The following UBA1 variants were observed in gnomAD, a reference collection of about 807,000 sequenced individuals.
The protein encoded by UBA1 is ubiquitin-like modifier-activating enzyme 1.
A neutral mutation model predicts 84.7 loss-of-function variants in UBA1; 4 were observed. The ratio of observed to expected loss-of-function variants is 0.05; its 90% CI spans 0.02 to 0.11. The LOEUF (loss-of-function observed/expected upper bound fraction) is 0.11. Ranked by LOEUF, UBA1 falls within the 10% of genes least tolerant of loss-of-function variation. UBA1 has a pLI of 1.00. For missense variants in UBA1, 513 were observed against 902.8 expected (o/e 0.57, Z 5.53); for synonymous variants, 364 against 362.6 (o/e 1.00, Z -0.04).
In UBA1 at chrX:47,215,091, T is replaced by A. The variant is rs1569219607; in HGVS notation, c.*162T>A. 9 of 709,709 alleles carry A rather than the reference T, an allele frequency of 1.3e-5. No individual in the cohort carries two copies. Among genetic ancestry groups the A allele is most frequent in the Non-Finnish European group, 1.5e-5 (7 of 470,990 alleles). 58.5% of individuals were successfully genotyped at this position (709,709 alleles called of 1,213,427 possible). On this transcript the variant is annotated 3_prime_UTR_variant, in exon 26 of 26. Coordinates refer to ENST00000335972, the MANE Select transcript of UBA1 (RefSeq NM_003334.4). Reference sequence around the variant, plus strand: ...CTCTTGCCACTGCCTTCTACCTTGTTTGAAACCTGAATCCTAATAAAGAAT... The same window carrying A: ...CTCTTGCCACTGCCTTCTACCTTGTATGAAACCTGAATCCTAATAAAGAAT...
chrX:47,205,236 T>G, intron 14 of UBA1: 1 of 234,434 alleles, frequency 4.3e-6, no homozygotes. Context: ...CAGGGGAGGA[T>G]TCTGAGCAGA....
intron 4 of UBA1, 46 bp downstream of exon 4, chrX:47,199,423 C>T: frequency 8.3e-7 from 1 of 1,211,995 alleles, no homozygotes; most frequent in Non-Finnish European, 1.1e-6. Flanking sequence ...TCCCGAGGCA[C>T]CACTGTTCCC....
At position 47,199,645 on chromosome X, in the gene UBA1, C is replaced by T. The variant is rs1936331559; in HGVS notation, c.480+31C>T. On this transcript the variant is annotated intron_variant, in intron 5 of 25. Coordinates refer to ENST00000335972, the MANE Select transcript of UBA1 (RefSeq NM_003334.4). ...TTGGGGGTACTACCCAGCCTTCTGC[C>T]CAGTTTTCTCAGAGCCCATCTCTGG... is the stretch of plus-strand genomic sequence containing the variant. 5.8e-6 allele frequency: 7 copies of T among 1,206,934 alleles called. No homozygotes were observed. In the East Asian group the frequency reaches 8.9e-5, roughly 15 times the overall value.
chrX:47,206,679 T>G, intron 16 of UBA1: 1 of 426,450 alleles, frequency 2.3e-6, no homozygotes, highest in Admixed American at 4.0e-5. Flanking sequence ...ATTAAGAATA[T>G]TATGATGAAT....
intron 14 of UBA1, chrX:47,204,942 A>C (rs981422441): frequency 3.5e-5 from 4 of 112,718 alleles, no homozygotes; most frequent in Non-Finnish European, 7.5e-5. Flanking sequence ...GGAGAGGGGA[A>C]CGGACAGCAA....
At position 47,214,160 on chromosome X, in the gene UBA1, CAG is replaced by C. The variant is rs34299503; in HGVS notation, c.2839-165_2839-164del. On this transcript the variant is annotated intron_variant, in intron 23 of 25. Coordinates refer to ENST00000335972, the MANE Select transcript of UBA1 (RefSeq NM_003334.4). ...AGGAGGGTAGGAGATGAGAAGAAAA[CAG>C]AATTTCATTGCTTAGGGTGAGATAG... 4.6e-4 allele frequency among the ~76,000 whole-genome samples: 51 copies of C among 109,922 alleles called. No homozygotes were observed. The East Asian group carries it at 0.013, about 29-fold the overall frequency.
intron 13 of UBA1, 36 bp downstream of exon 13, chrX:47,203,250 TTGGCCTC>T (rs782054535): frequency 1.7e-6 from 2 of 1,193,138 alleles, no homozygotes; most frequent in African/African-American, 1.7e-5. Flanking sequence ...TCCCCTCATC[TTGGCCTC>T]TGGCCATCAC....
intron 15 of UBA1, 48 bp from the exon 16 acceptor site, chrX:47,206,200 T>G: frequency 8.5e-7 from 1 of 1,181,944 alleles, no homozygotes; most frequent in Non-Finnish European, 1.1e-6. Context: ...CGTCTTTCTG[T>G]CCTCTCCTGA....
At position 47,214,812 on chromosome X, in the gene UBA1, C is replaced by T. The variant is rs782246207; in HGVS notation, c.3060C>T (p.Ser1020=). 3 of 1,211,440 alleles carry T rather than the reference C, an allele frequency of 2.5e-6. No homozygotes were observed. The highest frequency in any genetic ancestry group is 3.3e-6 in the Non-Finnish European group (3 of 895,603). ...TCCCCAGGATGACAGAGATTGTGAG[C>T]CGTGTGTCGAAGCGAAAGCTGGGCC... ...RLDQPMTEIV[S]RVSKRKLGRH... Residue 1020 remains serine (S), a synonymous_variant, in exon 26 of 26, where the codon AGC becomes AGT. Transcript: ENST00000335972.
intron 16 of UBA1, among the ~76,000 whole-genome samples, chrX:47,208,379 GT>G (rs1936777444): frequency 9.0e-6 from 1 of 111,694 alleles, no homozygotes; most frequent in African/African-American, 3.3e-5. Flanking sequence ...GACCAGGCTG[GT>G]TGTAAACTCC....
At position 47,205,360 on chromosome X, in the gene UBA1, TAGC is replaced by T. The variant is rs200886165; in HGVS notation, c.1576-585_1576-583del. 1,299 of 321,055 alleles carry T rather than the reference TAGC, an allele frequency of 4.0e-3. 16 individuals are homozygous for T. Among genetic ancestry groups the T allele is most frequent in the African/African-American group, 0.032 (1,187 of 37,301 alleles). 26.5% of individuals were successfully genotyped at this position (321,055 alleles called of 1,213,427 possible). A position where few individuals can be genotyped will look rare whatever the true frequency, so the allele number is the denominator to read the frequency against. ...TCCTGGGTGCTGTTACCTGAAAAAATAGCAGGTGTTAGACGAAAGAACAGATGT... is the reference window on the plus strand; with the variant it reads ...TCCTGGGTGCTGTTACCTGAAAAAATAGGTGTTAGACGAAAGAACAGATGT... On this transcript the variant is annotated intron_variant, in intron 14 of 25. Coordinates refer to ENST00000335972, the MANE Select transcript of UBA1 (RefSeq NM_003334.4).
chrX:47,203,587 T>C lies in UBA1; in HGVS notation c.1466T>C (p.Met489Thr). Reference protein sequence around the residue: ...IGCELLKNFAMIGLGCGEGGE... With the variant: ...IGCELLKNFATIGLGCGEGGE... ...TGTGAGCTGCTCAAGAACTTTGCCA[T>C]GATTGGGCTGGGCTGCGGGGAGGGT... Residue 489 changes from methionine to threonine, a missense_variant, in exon 14 of 26, where the codon ATG becomes ACG. Met to Thr is a moderately conservative substitution (Grantham distance 81). Coordinates refer to ENST00000335972, the MANE Select transcript of UBA1 (RefSeq NM_003334.4). The C allele has an allele frequency of 8.3e-7, 1 of 1,210,361 alleles. No individual in the cohort carries two copies. The highest frequency in any genetic ancestry group is 3.0e-5 in the East Asian group (1 of 33,773).
At position 47,214,818 on chromosome X, in the gene UBA1, G is replaced by C; in HGVS notation, c.3066G>C (p.Val1022=). 2 of 1,211,520 alleles carry C rather than the reference G, an allele frequency of 1.7e-6. No homozygotes were observed. Among genetic ancestry groups the C allele is most frequent in the Non-Finnish European group, 2.2e-6 (2 of 895,631 alleles). The change falls in exon 26 of 26, where the codon GTG becomes GTC. Residue 1022 remains valine, a synonymous_variant. Coordinates refer to ENST00000335972, the MANE Select transcript of UBA1 (RefSeq NM_003334.4). Reference sequence around the variant, plus strand: ...GGATGACAGAGATTGTGAGCCGTGTGTCGAAGCGAAAGCTGGGCCGCCACG... The same window carrying C: ...GGATGACAGAGATTGTGAGCCGTGTCTCGAAGCGAAAGCTGGGCCGCCACG... The part of the protein sequence containing the change: ...DQPMTEIVSR[V]SKRKLGRHVR...
chrX:47,211,071 C>A lies in UBA1; in HGVS notation c.2310C>A (p.Asn770Lys). ...TGGACTATGTGATGGCTGCTGCCAA[C>A]CTGTTTGCCCAGACCTACGGGCTGA... ...LHLDYVMAAA[N>K]LFAQTYGLTG... The change falls in exon 20 of 26, where the codon AAC becomes AAA. Residue 770 changes from asparagine (N) to lysine (K), a missense_variant. Physicochemically the swap from Asn to Lys is moderately conservative, Grantham distance 94 (BLOSUM62 0). Transcript: ENST00000335972. 1 of 1,211,804 alleles carries A rather than the reference C, an allele frequency of 8.3e-7. No homozygotes were observed. Among genetic ancestry groups the A allele is most frequent in the Non-Finnish European group, 1.1e-6 (1 of 895,606 alleles).
In UBA1 at chrX:47,202,920, CCTCT is replaced by C. The variant is rs782375261; in HGVS notation, c.1234-19_1234-16del. On this transcript the variant is annotated intron_variant, in intron 11 of 25. Coordinates refer to ENST00000335972, the MANE Select transcript of UBA1 (RefSeq NM_003334.4). The stretch of plus-strand genomic sequence containing the variant: ...GGCCCCTGTTAACCACTGACCACCC[CCTCT>C]CTCCCTTCCCCTCTCCAGGCCTGCT... 4 of 1,206,048 alleles carry C rather than the reference CCTCT, an allele frequency of 3.3e-6. No individual in the cohort carries two copies. Among genetic ancestry groups the C allele is most frequent in the Non-Finnish European group, 4.5e-6 (4 of 890,744 alleles).
At chrX:47,207,215 G>T (rs1556791421) in intron 16 of UBA1, among the ~76,000 whole-genome samples, 2 of 111,798 alleles carry the variant, frequency 1.8e-5, no homozygotes, top group African/African-American at 6.5e-5. Flanking sequence ...GAGTTTAACA[G>T]CTGGTTTGTC....
Position 47,206,183 on chromosome X carries a change from G to A in UBA1, c.1742-65G>A, listed in dbSNP as rs898079810. On this transcript the variant is annotated intron_variant, in intron 15 of 25. Coordinates refer to ENST00000335972, the MANE Select transcript of UBA1 (RefSeq NM_003334.4). ...TGTTTCGGTGTGTATATACCAAGAG[G>A]GGTGTCCGTCTTTCTGTCCTCTCCT... is the stretch of plus-strand genomic sequence containing the variant. 8 of 1,176,225 alleles carry A rather than the reference G, an allele frequency of 6.8e-6. No homozygotes were observed. In the East Asian group the frequency reaches 2.5e-4, roughly 37 times the overall value.
At chrX:47,199,748 A>C in intron 5 of UBA1, 134 bp downstream of exon 5, 1 of 778,356 alleles carries the variant, frequency 1.3e-6, no homozygotes, top group Non-Finnish European at 2.0e-6. Context: ...TAGAGTATGC[A>C]GGCAGCAGTT....
rs782576505 is a variant in UBA1 at position 47,213,097 on chromosome X, G to C, written c.2754G>C (p.Gln918His). The change falls in exon 23 of 26, where the codon CAG becomes CAC. Residue 918 changes from glutamine (Q) to histidine (H), a missense_variant. Coordinates refer to ENST00000335972, the MANE Select transcript of UBA1 (RefSeq NM_003334.4). The stretch of plus-strand genomic sequence containing the variant: ...ACAAGGTTGTGCAGGGGCACCGACA[G>C]CTTGACTCCTACAAGAATGGTTTCC... ...ELYKVVQGHR[Q>H]LDSYKNGFLN... 5.8e-6 allele frequency: 7 copies of C among 1,212,069 alleles called. No individual in the cohort carries two copies. Among genetic ancestry groups the C allele is most frequent in the Non-Finnish European group, 6.7e-6 (6 of 895,614 alleles).
Sources: allele counts gnomAD v4.1 joint callset (sites outside exome capture counted in the v4.1 genomes callset), GRCh38; gene constraint gnomAD v4.1.1; transcripts MANE v1.5; gene names NCBI Gene and HGNC (gene_info 2026-07-23, HGNC 2026-07-21).